Variants in ZNF609 observed in about 807,000 individuals in gnomAD.
The protein encoded by ZNF609 is zinc finger protein 609.
Under a neutral mutation model 109.5 loss-of-function variants are expected in ZNF609, and 11 were observed. The observed-to-expected ratio is 0.10, with a 90% CI of 0.06 to 0.17. ZNF609 has a LOEUF of 0.17. Among genes scored for constraint, ZNF609 ranks in the 10% least tolerant of loss-of-function variants. The pLI is 1.00. For synonymous variants in ZNF609, 646 were observed against 662.0 expected, an observed-to-expected ratio of 0.98 and a Z score of 0.37; for missense variants, 1,559 against 1,772.4, an observed-to-expected ratio of 0.88 and a Z score of 2.16.
Position 64,489,965 on chromosome 15 carries a change from A to G in ZNF609, c.-127-9328A>G, listed in dbSNP as rs577240989. On this transcript the variant is annotated intron_variant, in intron 1 of 9. Coordinates refer to ENST00000326648, the MANE Select transcript of ZNF609 (RefSeq NM_015042.2). ...TGGCAGAGCTTATTTTTAAATTTTTATTTACTTGTTTGAGACAGCACCTCG... is the reference window on the plus strand; with the variant it reads ...TGGCAGAGCTTATTTTTAAATTTTTGTTTACTTGTTTGAGACAGCACCTCG... 4.1e-5 allele frequency among the ~76,000 whole-genome samples: 6 copies of G among 147,866 alleles called. No homozygotes were observed. The East Asian group carries it at 1.2e-3, about 31-fold the overall frequency.
At chr15:64,657,608 G>A (rs920037437) in intron 3 of ZNF609, among the ~76,000 whole-genome samples, 1 of 151,874 alleles carries the variant, frequency 6.6e-6, no homozygotes, top group Non-Finnish European at 1.5e-5. Context: ...GGGAGACTCC[G>A]TCTCAAAAAA....
At chr15:64,679,636 A>G (rs1304949488) in intron 6 of ZNF609, among the ~76,000 whole-genome samples, 2 of 152,198 alleles carry the variant, frequency 1.3e-5, no homozygotes, top group African/African-American at 4.8e-5. Flanking sequence ...TGTCACTCAC[A>G]CCCATCAATA....
At chr15:64,479,361 G>A (rs532478707) in intron 1 of ZNF609, among the ~76,000 whole-genome samples, 7 of 125,196 alleles carry the variant, frequency 5.6e-5, no homozygotes, top group Non-Finnish European at 9.4e-5. Flanking sequence ...GCGCAATCTC[G>A]GCTCACTGCA....
Position 64,680,300 on chromosome 15 carries a change from G to A in ZNF609, c.3885G>A (p.Glu1295=). The A allele has an allele frequency of 6.2e-7, 1 of 1,614,182 alleles. No individual in the cohort carries two copies. Among genetic ancestry groups the A allele is most frequent in the South Asian group, 1.1e-5 (1 of 91,082 alleles). ...GTGTGACTTGTAAATCCAGCTCAGA[G>A]TCCAAAGCCCTGGACATCTTGCAGC... ...SPSVTCKSSS[E]SKALDILQQH... The change falls in exon 7 of 10, where the codon GAG becomes GAA. Residue 1295 remains glutamate, a synonymous_variant. Transcript: ENST00000326648.
At chr15:64,635,687 T>G (rs1461572923) in intron 3 of ZNF609, among the ~76,000 whole-genome samples, 1 of 152,238 alleles carries the variant, frequency 6.6e-6, no homozygotes, top group Non-Finnish European at 1.5e-5. Flanking sequence ...ATAAAGCTGC[T>G]GTAACAATGA....
intron 2 of ZNF609, among the ~76,000 whole-genome samples, chr15:64,551,756 T>G (rs1161272734): frequency 6.7e-6 from 1 of 149,954 alleles, no homozygotes; most frequent in Non-Finnish European, 1.5e-5. Context: ...AGTGAGAACT[T>G]ACACATTTAT....
intron 6 of ZNF609, 73 bp from the exon 7 acceptor site, chr15:64,680,112 C>T: frequency 6.6e-7 from 1 of 1,521,696 alleles, no homozygotes; most frequent in Admixed American, 1.8e-5. Context: ...GATGCCCACC[C>T]AATCAAGCTC....
chr15:64,553,563 A>AT (rs1485951629), intron 2 of ZNF609, among the ~76,000 whole-genome samples: 1 of 150,948 alleles, frequency 6.6e-6, no homozygotes, highest in East Asian at 1.9e-4. Context: ...ATTTTAATTT[A>AT]TTTTTTAATT....
intron 1 of ZNF609, among the ~76,000 whole-genome samples, chr15:64,468,259 CTTTCT>C (rs757067768): frequency 1.0e-3 from 146 of 141,662 alleles, no homozygotes; most frequent in African/African-American, 3.1e-3. Flanking sequence ...CTTTCCTTTC[CTTTCT>C]TTTCTTTTCT....
intron 2 of ZNF609, chr15:64,501,598 T>C (rs1457169383): frequency 6.6e-6 from 1 of 152,280 alleles, no homozygotes; most frequent in Non-Finnish European, 1.5e-5. Flanking sequence ...TGGATAATAC[T>C]GTTTTAAAGA....
chr15:64,501,996 A>G (rs531990099), intron 2 of ZNF609: 3 of 152,332 alleles, frequency 2.0e-5, no homozygotes, highest in African/African-American at 4.8e-5. Context: ...CTAAGAATAC[A>G]TCCTGGTGCC....
At chr15:64,622,180 G>A (rs1895886654) in intron 2 of ZNF609, among the ~76,000 whole-genome samples, 1 of 152,076 alleles carries the variant, frequency 6.6e-6, no homozygotes, top group Non-Finnish European at 1.5e-5. Flanking sequence ...AACAACCACT[G>A]TTACATGTTA....
intron 1 of ZNF609, among the ~76,000 whole-genome samples, chr15:64,477,254 C>G (rs1213708656): frequency 6.6e-6 from 1 of 150,578 alleles, no homozygotes; most frequent in Non-Finnish European, 1.5e-5. Context: ...CATTCTCCTG[C>G]CTCAGCCTTC....
chr15:64,581,714 G>GAT (rs1198195285), intron 2 of ZNF609, among the ~76,000 whole-genome samples: 2 of 152,190 alleles, frequency 1.3e-5, no homozygotes, highest in African/African-American at 4.8e-5. Flanking sequence ...CAGAGCAGGA[G>GAT]ATGGGAGTAG....
intron 8 of ZNF609, 62 bp from the exon 9 acceptor site, chr15:64,681,247 G>GA (rs1896880957): frequency 2.6e-6 from 4 of 1,512,660 alleles, no homozygotes; most frequent in Non-Finnish European, 3.6e-6. Context: ...CAAAACTCAG[G>GA]GAAAAAGATT....
At chr15:64,605,739 T>C (rs1343482549) in intron 2 of ZNF609, among the ~76,000 whole-genome samples, 4 of 148,352 alleles carry the variant, frequency 2.7e-5, no homozygotes, top group Non-Finnish European at 6.0e-5. Context: ...TTCTTTCTTT[T>C]TTTTTTTTTT....
intron 4 of ZNF609, among the ~76,000 whole-genome samples, chr15:64,671,074 G>A (rs1202453507): frequency 6.6e-6 from 1 of 151,148 alleles, no homozygotes; most frequent in Admixed American, 6.6e-5. Context: ...GCCGGGCGTG[G>A]TGGCGAGCGT....
intron 2 of ZNF609, among the ~76,000 whole-genome samples, chr15:64,548,650 C>G: frequency 6.6e-6 from 1 of 152,092 alleles, no homozygotes; most frequent in Non-Finnish European, 1.5e-5. Context: ...TGCCTATATT[C>G]CCAGCTACTT....
rs1221763691 is a variant in ZNF609, at chr15:64,674,134, C to T, written c.1280C>T (p.Ser427Phe). ...SEHRPPASST[S>F]EDVKASPSSA... ...CACCGCCCACCTGCCAGCAGCACTT[C>T]TGAGGATGTCAAGGCCAGCCCTTCC... Residue 427 changes from serine to phenylalanine, a missense_variant, in exon 5 of 10, where the codon TCT becomes TTT. By Grantham distance (155) the Ser-to-Phe change is radical. Transcript: ENST00000326648. 1.2e-6 allele frequency: 2 copies of T among 1,614,076 alleles called. No homozygotes were observed. The highest frequency in any genetic ancestry group is 2.7e-5 in the African/African-American group (2 of 74,932).
Sources: allele counts gnomAD v4.1 joint callset (sites outside exome capture counted in the v4.1 genomes callset), GRCh38; gene constraint gnomAD v4.1.1; transcripts MANE v1.5; gene names NCBI Gene and HGNC (gene_info 2026-07-23, HGNC 2026-07-21).